DIP2C: variants seen among roughly 807,000 people sequenced by gnomAD.
DIP2C encodes disco-interacting protein 2 homolog C.
A neutral mutation model predicts 192.4 loss-of-function variants in DIP2C; 33 were observed. The observed-to-expected ratio is 0.17, with a 90% CI of 0.13 to 0.23. DIP2C has a LOEUF of 0.23. Among genes scored for constraint, DIP2C ranks in the 10% least tolerant of loss-of-function variants. DIP2C has a pLI of 1.00. For synonymous variants in DIP2C, 979 were observed against 864.1 expected (o/e 1.13, Z -2.33); for missense variants, 1,537 against 2,110.1 (o/e 0.73, Z 5.32).
At chr10:327,556 G>A (rs901449209) in intron 30 of DIP2C, among the ~76,000 whole-genome samples, 1 of 152,040 alleles carries the variant, frequency 6.6e-6, no homozygotes, top group Non-Finnish European at 1.5e-5. Context: ...CACTGGAGAG[G>A]AACGGGAAAA....
At chr10:401,936 T>C (rs1185605736) in intron 9 of DIP2C, among the ~76,000 whole-genome samples, 1 of 150,130 alleles carries the variant, frequency 6.7e-6, no homozygotes, top group East Asian at 2.0e-4. Context: ...AGCGTTACTC[T>C]TCCTTATGGA....
intron 1 of DIP2C, among the ~76,000 whole-genome samples, chr10:633,044 G>A (rs935015811): frequency 6.6e-6 from 1 of 152,262 alleles, no homozygotes; most frequent in Non-Finnish European, 1.5e-5. Context: ...AACCCGTTCT[G>A]CAGCTGAACT....
chr10:550,822 G>A (rs754016374), intron 1 of DIP2C, among the ~76,000 whole-genome samples: 3 of 152,242 alleles, frequency 2.0e-5, no homozygotes, highest in Non-Finnish European at 2.9e-5. Flanking sequence ...GCAAGAAGAG[G>A]GATGCTCCAT....
At chr10:288,551 G>C in intron 32 of DIP2C, 130 bp from the exon 33 acceptor site, 1 of 946,314 alleles carries the variant, frequency 1.1e-6, no homozygotes, top group Non-Finnish European at 1.6e-6. Flanking sequence ...CAACAGCAAG[G>C]ACGAAGCTGC....
At chr10:279,820 A>G (rs1301431308) in intron 36 of DIP2C, among the ~76,000 whole-genome samples, 1 of 152,230 alleles carries the variant, frequency 6.6e-6, no homozygotes, top group Non-Finnish European at 1.5e-5. Flanking sequence ...AACAGCAGCG[A>G]CATTTGTTAC....
intron 24 of DIP2C, chr10:356,145 C>T (rs1959069090): frequency 7.2e-6 from 4 of 556,734 alleles, no homozygotes; most frequent in Non-Finnish European, 1.3e-5. Context: ...CATAGACTTA[C>T]GATTTCTCTC....
chr10:599,627 G>T (rs916360007), intron 1 of DIP2C, among the ~76,000 whole-genome samples: 1 of 152,156 alleles, frequency 6.6e-6, no homozygotes, highest in Admixed American at 6.5e-5. Flanking sequence ...AGGCTGGAGG[G>T]ACCTTCCAGG....
rs373291471 is a variant in DIP2C at position 384,184 on chromosome 10, C to T, written c.1757-38G>A. ...ATAGAAATAAGTTAACATGTGCCAC[C>T]GTCAGATCGTCCCCTATTGCAAAAG... On this transcript the variant is annotated intron_variant, in intron 15 of 36. Coordinates refer to ENST00000280886, the MANE Select transcript of DIP2C (RefSeq NM_014974.3). 736 of 1,602,800 alleles carry T rather than the reference C, an allele frequency of 4.6e-4. 7 individuals are homozygous for T. The South Asian group carries it at 7.5e-3, about 16-fold the overall frequency.
At chr10:539,624 A>G (rs1196692397) in intron 1 of DIP2C, among the ~76,000 whole-genome samples, 1 of 152,234 alleles carries the variant, frequency 6.6e-6, no homozygotes, top group Non-Finnish European at 1.5e-5. Context: ...TTTGTTAAGA[A>G]ATTACTGTGT....
intron 14 of DIP2C, among the ~76,000 whole-genome samples, chr10:387,337 C>T (rs1035105681): frequency 6.6e-6 from 1 of 152,228 alleles, no homozygotes; most frequent in African/African-American, 2.4e-5. Context: ...CCTCGGTCTT[C>T]TAACAGTGAC....
intron 1 of DIP2C, among the ~76,000 whole-genome samples, chr10:591,588 C>T (rs1851406364): frequency 5.9e-5 from 9 of 152,210 alleles, no homozygotes; most frequent in Admixed American, 5.9e-4. Flanking sequence ...CAGAAGTTTA[C>T]AAATACCCAG....
chr10:364,734 G>T (rs965921734), intron 19 of DIP2C, 152 bp from the exon 20 acceptor site: 1 of 824,856 alleles, frequency 1.2e-6, no homozygotes, highest in Non-Finnish European at 1.9e-6. Context: ...AGTGACCGCT[G>T]GTGGCCAACA....
intron 1 of DIP2C, among the ~76,000 whole-genome samples, chr10:645,124 A>C (rs1367903721): frequency 6.6e-6 from 1 of 152,182 alleles, no homozygotes; most frequent in Non-Finnish European, 1.5e-5. Context: ...TGAAGCAAAA[A>C]TCAAACTGGC....
chr10:301,977 A>G (rs1427404629), intron 32 of DIP2C, among the ~76,000 whole-genome samples: 1 of 101,112 alleles, frequency 9.9e-6, no homozygotes, highest in African/African-American at 4.7e-5. Context: ...GTAGACTGCA[A>G]GTTTTCAAGT....
chr10:458,642 C>T (rs1209407264), intron 3 of DIP2C, among the ~76,000 whole-genome samples: 1 of 151,748 alleles, frequency 6.6e-6, no homozygotes, highest in Non-Finnish European at 1.5e-5. Flanking sequence ...GCTCGGAACC[C>T]CGTGACAGCA....
intron 1 of DIP2C, chr10:631,349 G>T (rs1208098517): frequency 6.6e-6 from 1 of 152,262 alleles, no homozygotes; most frequent in African/African-American, 2.4e-5. Context: ...TGTCTCGGGT[G>T]TTCCCAGGCT....
At chr10:453,301 A>C (rs779892653) in intron 3 of DIP2C, among the ~76,000 whole-genome samples, 5 of 152,160 alleles carry the variant, frequency 3.3e-5, no homozygotes, top group Non-Finnish European at 4.4e-5. Flanking sequence ...CGTGGAATGG[A>C]AACAATGAGA....
intron 29 of DIP2C, among the ~76,000 whole-genome samples, chr10:339,485 C>A (rs1250687878): frequency 3.3e-5 from 5 of 152,098 alleles, no homozygotes; most frequent in Non-Finnish European, 5.9e-5. Context: ...ACTTTCCCTG[C>A]AACAAACATC....
At chr10:558,401 C>G (rs768443567) in intron 1 of DIP2C, among the ~76,000 whole-genome samples, 8 of 152,316 alleles carry the variant, frequency 5.3e-5, no homozygotes, top group African/African-American at 1.7e-4. Flanking sequence ...ATTCGACCCC[C>G]AGACCTAATC....
Sources: allele counts gnomAD v4.1 joint callset (sites outside exome capture counted in the v4.1 genomes callset), GRCh38; gene constraint gnomAD v4.1.1; transcripts MANE v1.5; gene names NCBI Gene and HGNC (gene_info 2026-07-23, HGNC 2026-07-21).